IQSEC2: variants seen among roughly 807,000 people sequenced by gnomAD.
The protein encoded by IQSEC2 is IQ motif and SEC7 domain-containing protein 2.
In IQSEC2, 6 loss-of-function variants were observed where a neutral mutation model predicts 74.6. That is an observed-to-expected ratio of 0.08 (90% confidence interval 0.04 to 0.16). The LOEUF (loss-of-function observed/expected upper bound fraction) is 0.16, where lower values mean the gene tolerates loss of function less well. Ranked by LOEUF, IQSEC2 falls within the 10% of genes least tolerant of loss-of-function variation. The pLI, the probability that IQSEC2 is intolerant of heterozygous loss-of-function variation, is 1.00. For synonymous variants in IQSEC2, 494 were observed against 544.5 expected, an observed-to-expected ratio of 0.91 and a Z score of 1.29; for missense variants, 734 against 1,306.2, an observed-to-expected ratio of 0.56 and a Z score of 6.75.
chrX:53,244,216 CAAAAAAAAAAA>C (rs782494862), intron 8 of IQSEC2, among the ~76,000 whole-genome samples: 2 of 58,890 alleles, frequency 3.4e-5, no homozygotes, highest in South Asian at 1.5e-3. Context: ...GACTCTGTCT[CAAAAAAAAAAA>C]AAAGAAAAAG....
Position 53,236,309 on chromosome X carries a change from C to T in IQSEC2, c.3451+13G>A, listed in dbSNP as rs1556859645. The T allele has an allele frequency of 8.3e-7, 1 of 1,203,785 alleles. No individual in the cohort carries two copies. Among genetic ancestry groups the T allele is most frequent in the South Asian group, 1.8e-5 (1 of 55,559 alleles). ...GTGTCTCCCCAGCCAGGGCAGGGGC[C>T]CAGAGGGCTTACCTGCATCAGAGAG... On this transcript the variant is annotated intron_variant, in intron 13 of 14. Coordinates refer to ENST00000642864, the MANE Select transcript of IQSEC2 (RefSeq NM_001111125.3).
Position 53,238,161 on chromosome X carries a change from C to A in IQSEC2, c.3261G>T (p.Glu1087Asp). The change falls in exon 12 of 15, where the codon GAG (glutamate) becomes GAT (aspartate). Residue 1087 changes from glutamate to aspartate, a missense_variant. By Grantham distance (45) the Glu-to-Asp change is conservative. This residue lies in a region of IQSEC2 where 249 missense variants were observed against 467.9 expected (regional missense o/e 0.53). Transcript: ENST00000642864. ...GCTACTCACACTCCACACGGTATTT[C>A]TCCATCTCCTGCACCTCCGCAATGG... ...RESIAEVQEM[E>D]KYRVESELEK... is the part of the protein sequence containing the mutation. The A allele has an allele frequency of 8.3e-7, 1 of 1,203,368 alleles. No individual in the cohort carries two copies. Among genetic ancestry groups the A allele is most frequent in the Non-Finnish European group, 1.1e-6 (1 of 891,492 alleles).
intron 2 of IQSEC2, among the ~76,000 whole-genome samples, chrX:53,270,176 C>T (rs782816400): frequency 9.0e-6 from 1 of 111,079 alleles, no homozygotes; most frequent in Admixed American, 9.6e-5. Flanking sequence ...TAAGGCACCA[C>T]CATTCATCCA....
intron 10 of IQSEC2, 162 bp from the exon 11 acceptor site, chrX:53,239,456 A>C: frequency 2.3e-6 from 1 of 432,642 alleles, no homozygotes; most frequent in Non-Finnish European, 4.1e-6. Flanking sequence ...CTTGAGGGAC[A>C]GAATGGGAGA....
chrX:53,304,352 A>T (rs1337453141), intron 1 of IQSEC2, among the ~76,000 whole-genome samples: 2 of 111,865 alleles, frequency 1.8e-5, no homozygotes, highest in East Asian at 5.6e-4. Context: ...TTAGTAATGG[A>T]GCCAAACAAT....
chrX:53,254,981 C>T, intron 3 of IQSEC2, 50 bp from the exon 4 acceptor site: 2 of 1,151,906 alleles, frequency 1.7e-6, no homozygotes, highest in Non-Finnish European at 1.2e-6. Context: ...ATGGCAGCCT[C>T]ATCTCCCTAG....
At position 53,287,727 on chromosome X, in the gene IQSEC2, G is replaced by C. The variant is rs782760371; in HGVS notation, c.737+4168C>G. ...GGGGACAGAGGCAAGGGGAGGGGAA[G>C]AGAGAGAAGGCAAGTTTATTTCGGT... On this transcript the variant is annotated intron_variant, in intron 2 of 14. Transcript: ENST00000642864. 5.3e-5 allele frequency among the ~76,000 whole-genome samples: 6 copies of C among 112,725 alleles called. No homozygotes were observed. In the Middle Eastern group the frequency reaches 0.014, roughly 259 times the overall value.
At chrX:53,277,433 G>C (rs1029864980) in intron 2 of IQSEC2, among the ~76,000 whole-genome samples, 1 of 109,255 alleles carries the variant, frequency 9.2e-6, no homozygotes, top group African/African-American at 3.3e-5. Context: ...GTTGGCCAGG[G>C]TGGTCTTGAA....
At position 53,234,843 on chromosome X, in the gene IQSEC2, G is replaced by A. The variant is rs1352308032; in HGVS notation, c.3843C>T (p.Pro1281=). ...YCQGPGPAPP[P]YLPPQQPSLP... is the part of the protein sequence containing the mutation. Reference sequence around the variant, plus strand: ...GAGAGGGCTGCTGGGGTGGGAGGTAGGGTGGCGGGGCAGGGCCCGGTCCTT... The same window carrying A: ...GAGAGGGCTGCTGGGGTGGGAGGTAAGGTGGCGGGGCAGGGCCCGGTCCTT... Residue 1281 remains proline (P), a synonymous_variant, in exon 15 of 15, where the codon CCC becomes CCT. Coordinates refer to ENST00000642864, the MANE Select transcript of IQSEC2 (RefSeq NM_001111125.3). The A allele has an allele frequency of 8.8e-7, 1 of 1,139,986 alleles. No individual in the cohort carries two copies. Among genetic ancestry groups the A allele is most frequent in the Non-Finnish European group, 1.2e-6 (1 of 857,585 alleles). The allele number at this position is 1,139,986 out of a possible 1,213,427, so 93.9% of individuals were successfully genotyped here. A position where few individuals can be genotyped will look rare whatever the true frequency, so the allele number is the denominator to read the frequency against.
downstream of IQSEC2, among the ~76,000 whole-genome samples, chrX:53,228,568 G>A (rs2074052103): frequency 8.9e-6 from 1 of 111,937 alleles, no homozygotes; most frequent in African/African-American, 3.3e-5. Flanking sequence ...AAAACCACAC[G>A]CACCCCATTC....
At chrX:53,281,434 G>T in intron 2 of IQSEC2, 2 of 650,590 alleles carry the variant, frequency 3.1e-6, no homozygotes, top group Non-Finnish European at 4.6e-6. Flanking sequence ...CAGTAGCCCA[G>T]GGACTGGGTC....
At chrX:53,316,548 C>A (rs1293933436) in intron 1 of IQSEC2, among the ~76,000 whole-genome samples, 1 of 111,117 alleles carries the variant, frequency 9.0e-6, no homozygotes, top group African/African-American at 3.3e-5. Flanking sequence ...AAGAATACCA[C>A]GTTGGGCCGG....
chrX:53,280,194 AG>A (rs1178594023), intron 2 of IQSEC2, among the ~76,000 whole-genome samples: 1 of 66,824 alleles, frequency 1.5e-5, no homozygotes, highest in African/African-American at 6.2e-5. Flanking sequence ...CGGGAGGGGA[AG>A]GGGGGATGAA....
At chrX:53,276,876 A>C (rs1238382870) in intron 2 of IQSEC2, among the ~76,000 whole-genome samples, 2 of 112,477 alleles carry the variant, frequency 1.8e-5, no homozygotes, top group Admixed American at 1.9e-4. Context: ...AAATTACAAT[A>C]ACATTTCCTA....
chrX:53,234,681 G>A lies in IQSEC2; in HGVS notation c.4005C>T (p.Thr1335=), dbSNP rs1602257131. The change falls in exon 15 of 15, where the codon ACC becomes ACT. Residue 1335 remains threonine (T), a synonymous_variant. Coordinates refer to ENST00000642864, the MANE Select transcript of IQSEC2 (RefSeq NM_001111125.3). ...HGPVPGPQHY[T]LGRPGRAPRR... ...TGGGTGCCCTGCCTGGCCGGCCCAA[G>A]GTATAGTGTTGGGGCCCTGGGACTG... The A allele has an allele frequency of 8.8e-7, 1 of 1,138,483 alleles. No individual in the cohort carries two copies. Among genetic ancestry groups the A allele is most frequent in the African/African-American group, 1.8e-5 (1 of 55,369 alleles). 93.8% of individuals were successfully genotyped at this position (1,138,483 alleles called of 1,213,427 possible).
At chrX:53,263,511 T>C (rs782006121) in intron 2 of IQSEC2, among the ~76,000 whole-genome samples, 1 of 110,250 alleles carries the variant, frequency 9.1e-6, no homozygotes, top group African/African-American at 3.3e-5. Context: ...TTCCTCAATG[T>C]CACAGGCAAT....
At chrX:53,305,642 T>C (rs782566376) in intron 1 of IQSEC2, among the ~76,000 whole-genome samples, 7 of 112,281 alleles carry the variant, frequency 6.2e-5, no homozygotes, top group South Asian at 3.7e-4. Flanking sequence ...GGAGGAGCAA[T>C]GTGACTTACC....
intron 9 of IQSEC2, 29 bp downstream of exon 9, chrX:53,243,303 G>A (rs1475819612): frequency 4.4e-6 from 5 of 1,139,035 alleles, no homozygotes; most frequent in Non-Finnish European, 5.9e-6. Context: ...CTGAACCCTG[G>A]CCCCTCTGCA....
At chrX:53,293,863 CTT>C (rs1556873664) in intron 1 of IQSEC2, among the ~76,000 whole-genome samples, 1 of 111,987 alleles carries the variant, frequency 8.9e-6, no homozygotes, top group Non-Finnish European at 1.9e-5. Context: ...GTGTTAGCCT[CTT>C]TTTGTACATT....
Sources: gnomAD v4.1 joint callset for allele counts (sites outside exome capture counted in the v4.1 genomes callset) on GRCh38, gnomAD v4.1.1 for gene constraint, gnomAD v4.1.1 regional missense constraint, MANE v1.5 for transcripts, NCBI Gene and HGNC (gene_info 2026-07-23, HGNC 2026-07-21) for gene names.